PLCB4: variants seen among roughly 807,000 people sequenced by gnomAD.
PLCB4 encodes the protein 1-phosphatidylinositol 4,5-bisphosphate phosphodiesterase beta-4.
PLCB4 carries 77 observed loss-of-function variants against 178.8 expected under a neutral mutation model. The ratio of observed to expected loss-of-function variants is 0.43; its 90% CI spans 0.36 to 0.52. The LOEUF is 0.52. Ranked by LOEUF, PLCB4 falls within the 20% of genes least tolerant of loss-of-function variation. The pLI is 0.00. For missense variants in PLCB4, 1,024 were observed against 1,453.4 expected, an observed-to-expected ratio of 0.70 and a Z score of 4.80; for synonymous variants, 496 against 490.8, an observed-to-expected ratio of 1.01 and a Z score of -0.14.
intron 2 of PLCB4, among the ~76,000 whole-genome samples, chr20:9,171,733 A>G (rs1310260055): frequency 1.3e-5 from 2 of 152,178 alleles, no homozygotes; most frequent in Non-Finnish European, 2.9e-5. Context: ...TGAATATTTC[A>G]TCTGATGATG....
At chr20:9,266,012 A>T (rs1050977390) in intron 3 of PLCB4, among the ~76,000 whole-genome samples, 1 of 152,224 alleles carries the variant, frequency 6.6e-6, no homozygotes, top group Admixed American at 6.5e-5. Context: ...AAGAAAGTTG[A>T]TAAGTATTCT....
chr20:9,280,434 G>A, intron 3 of PLCB4: 1 of 983,818 alleles, frequency 1.0e-6, no homozygotes, highest in South Asian at 4.7e-5. Flanking sequence ...ACTTCGATCT[G>A]AAAGATGGAA....
At chr20:9,111,819 G>A (rs1245825640) in intron 2 of PLCB4, among the ~76,000 whole-genome samples, 4 of 152,120 alleles carry the variant, frequency 2.6e-5, no homozygotes, top group Non-Finnish European at 5.9e-5. Flanking sequence ...ATAAAACATA[G>A]GGATTTTCTT....
At position 9,195,987 on chromosome 20, in the gene PLCB4, C is replaced by A. The variant is rs2093467223; in HGVS notation, c.-78-21403C>A. 2.0e-5 allele frequency among the ~76,000 whole-genome samples: 3 copies of A among 152,100 alleles called. No homozygotes were observed. In the South Asian group the frequency reaches 6.2e-4, roughly 32 times the overall value. On this transcript the variant is annotated intron_variant, in intron 2 of 39. Transcript: ENST00000378473. ...AGCCTGAAAATTTTTCTGATTCAGA[C>A]AACCTTGCATCAGAAAAATTTTGAT...
chr20:9,291,984 A>G (rs1267942905), intron 3 of PLCB4, among the ~76,000 whole-genome samples: 1 of 152,206 alleles, frequency 6.6e-6, no homozygotes, highest in African/African-American at 2.4e-5. Context: ...AGCTTGGAGA[A>G]TTTTTAAATA....
At chr20:9,440,390 T>C (rs6056626) in intron 30 of PLCB4, among the ~76,000 whole-genome samples, 36,117 of 152,124 alleles carry the variant, frequency 0.24, 5,171 homozygotes, top group African/African-American at 0.39. Flanking sequence ...ATACAGCTGA[T>C]TGGGAGCTGA....
chr20:9,409,345 A>C (rs1255528287), intron 24 of PLCB4, among the ~76,000 whole-genome samples, 164 bp downstream of exon 24: 1 of 152,068 alleles, frequency 6.6e-6, no homozygotes. Flanking sequence ...AAAAAAAAAA[A>C]ACCAAAATAG....
intron 3 of PLCB4, among the ~76,000 whole-genome samples, chr20:9,229,159 A>G (rs1193543662): frequency 6.6e-6 from 1 of 152,196 alleles, no homozygotes; most frequent in East Asian, 1.9e-4. Context: ...CATCCCATAA[A>G]GCAGCCTTTT....
intron 33 of PLCB4, among the ~76,000 whole-genome samples, chr20:9,453,764 AC>A (rs1741279335): frequency 6.6e-6 from 1 of 152,216 alleles, no homozygotes; most frequent in South Asian, 2.1e-4. Flanking sequence ...TTGAAAAAAT[AC>A]CTCTTTACTC....
chr20:9,075,902 T>C (rs975830492), intron 1 of PLCB4, among the ~76,000 whole-genome samples: 2 of 152,214 alleles, frequency 1.3e-5, no homozygotes, highest in Non-Finnish European at 2.9e-5. Context: ...GGAGCTCCCA[T>C]GTTGAGCCTT....
intron 38 of PLCB4, among the ~76,000 whole-genome samples, chr20:9,474,675 AAAAAT>A (rs77558691): frequency 0.088 from 13,370 of 151,306 alleles, 732 homozygotes; most frequent in East Asian, 0.29. Context: ...TTGAGAAAGT[AAAAAT>A]AAAATAAAAT....
At chr20:9,478,426 C>A (rs1203624906) in intron 39 of PLCB4, among the ~76,000 whole-genome samples, 1 of 152,174 alleles carries the variant, frequency 6.6e-6, no homozygotes, top group Admixed American at 6.5e-5. Context: ...CTGAACTTCT[C>A]TATCAATTAG....
chr20:9,242,226 G>T (rs2094071653), intron 3 of PLCB4, among the ~76,000 whole-genome samples: 1 of 152,218 alleles, frequency 6.6e-6, no homozygotes, highest in African/African-American at 2.4e-5. Flanking sequence ...AAAGCAGTCT[G>T]CCGCAAGCTG....
In PLCB4 at chr20:9,423,798, C is replaced by T. The variant is rs1199291518; in HGVS notation, c.2370C>T (p.Asn790=). Reference sequence around the variant, plus strand: ...TGAGAATAGCTGTGTATGATGATAACAACAAGCTGATTGGCCAGAGGATCC... The same window carrying T: ...TGAGAATAGCTGTGTATGATGATAATAACAAGCTGATTGGCCAGAGGATCC... The part of the protein sequence containing the change: ...AVLRIAVYDD[N]NKLIGQRILP... The change falls in exon 28 of 40, where the codon AAC becomes AAT. Residue 790 remains asparagine (N), a synonymous_variant. Coordinates refer to ENST00000378473, the MANE Select transcript of PLCB4 (RefSeq NM_001377142.1). The T allele has an allele frequency of 6.2e-7, 1 of 1,613,994 alleles. No individual in the cohort carries two copies. The highest frequency in any genetic ancestry group is 8.5e-7 in the Non-Finnish European group (1 of 1,179,958).
At chr20:9,068,825 C>G (rs976844621), upstream of PLCB4, 1 of 151,302 alleles carries the variant, frequency 6.6e-6, no homozygotes, top group Non-Finnish European at 1.5e-5. Context: ...CGCGCAGGGC[C>G]CGGCGGTGGG....
At chr20:9,168,590 AGGTGCTGC>A (rs1366408665) in intron 2 of PLCB4, among the ~76,000 whole-genome samples, 1 of 152,234 alleles carries the variant, frequency 6.6e-6, no homozygotes, top group Admixed American at 6.5e-5. Context: ...ACAGGCTCCC[AGGTGCTGC>A]TAATGCCACC....
intron 3 of PLCB4, among the ~76,000 whole-genome samples, chr20:9,224,957 C>T (rs946785603): frequency 1.1e-4 from 17 of 152,246 alleles, no homozygotes; most frequent in Middle Eastern, 3.4e-3. Flanking sequence ...CTTTTCCCTC[C>T]TTTCTTTTGT....
At chr20:9,207,714 C>T (rs942657897) in intron 2 of PLCB4, among the ~76,000 whole-genome samples, 1 of 152,166 alleles carries the variant, frequency 6.6e-6, no homozygotes, top group Non-Finnish European at 1.5e-5. Flanking sequence ...GAAAGGGATC[C>T]AATCATGTTT....
intron 39 of PLCB4, among the ~76,000 whole-genome samples, chr20:9,477,541 C>A (rs1326579519): frequency 6.6e-6 from 1 of 152,158 alleles, no homozygotes; most frequent in Admixed American, 6.6e-5. Flanking sequence ...TATTTAATTT[C>A]CAGTGCTGAT....
Sources: gnomAD v4.1 joint callset for allele counts (sites outside exome capture counted in the v4.1 genomes callset) on GRCh38, gnomAD v4.1.1 for gene constraint, MANE v1.5 for transcripts, NCBI Gene and HGNC (gene_info 2026-07-23, HGNC 2026-07-21) for gene names.